Variants in RORA observed in about 807,000 individuals in gnomAD.
The protein encoded by RORA is nuclear receptor ROR-alpha.
In RORA, 7 loss-of-function variants were observed where a neutral mutation model predicts 69.5. That is an observed-to-expected ratio of 0.10 (90% CI 0.06 to 0.19). RORA has a LOEUF of 0.19. RORA is among the 10% of genes least tolerant of loss of function. The pLI, the probability that RORA is intolerant of heterozygous loss-of-function variation, is 1.00. For missense variants in RORA, 457 were observed against 663.0 expected (o/e 0.69, Z 3.41); for synonymous variants, 261 against 240.8 (o/e 1.08, Z -0.78).
rs71122864 is a variant in RORA, at chr15:60,612,661, G to GT, written c.196+65995dup. Among the ~76,000 whole-genome samples, 536 of 106,988 alleles carry GT rather than the reference G, an allele frequency of 5.0e-3. 4 individuals are homozygous for GT. Among genetic ancestry groups the GT allele is most frequent in the South Asian group, 0.015 (47 of 3,098 alleles). 70.2% of individuals were successfully genotyped at this position (106,988 alleles called of 152,430 possible). ...GAAGAATCTCTCTCTCTCTCTCTCT[G>GT]TTTTTTTTTTTTTTTTTTTTTTTTC... On this transcript the variant is annotated intron_variant, in intron 2 of 10. Coordinates refer to ENST00000335670, the MANE Select transcript of RORA (RefSeq NM_134261.3).
chr15:60,761,756 G>A (rs1595693717), intron 1 of RORA, among the ~76,000 whole-genome samples: 2 of 152,244 alleles, frequency 1.3e-5, no homozygotes, highest in Non-Finnish European at 2.9e-5. Flanking sequence ...AACACTATAT[G>A]AGAATTTTGG....
intron 1 of RORA, among the ~76,000 whole-genome samples, chr15:60,984,164 C>T (rs558238417): frequency 2.0e-5 from 3 of 152,102 alleles, no homozygotes; most frequent in Non-Finnish European, 4.4e-5. Context: ...TTCTGATTCA[C>T]TTTATAAGAA....
chr15:61,115,499 A>G (rs2079042596), intron 1 of RORA, among the ~76,000 whole-genome samples: 1 of 152,234 alleles, frequency 6.6e-6, no homozygotes, highest in South Asian at 2.1e-4. Context: ...AGGAAAGCCA[A>G]GAGCACATTT....
intron 1 of RORA, among the ~76,000 whole-genome samples, chr15:60,831,376 C>G (rs1477323539): frequency 6.6e-6 from 1 of 152,096 alleles, no homozygotes; most frequent in Non-Finnish European, 1.5e-5. Context: ...CTGGCTCATT[C>G]TCTCCTGACA....
chr15:60,895,896 TC>T (rs1253245592), intron 1 of RORA, among the ~76,000 whole-genome samples: 1 of 152,230 alleles, frequency 6.6e-6, no homozygotes, highest in Non-Finnish European at 1.5e-5. Context: ...TTAAAGTTCA[TC>T]CTTAAAAATG....
At chr15:61,214,804 T>C (rs2080023576) in intron 1 of RORA, among the ~76,000 whole-genome samples, 1 of 151,658 alleles carries the variant, frequency 6.6e-6, no homozygotes, top group East Asian at 1.9e-4. Flanking sequence ...AAGCCAGTCC[T>C]CTTGTGGGCG....
At chr15:61,143,127 G>A (rs534218732) in intron 1 of RORA, among the ~76,000 whole-genome samples, 2 of 152,074 alleles carry the variant, frequency 1.3e-5, no homozygotes, top group Non-Finnish European at 2.9e-5. Flanking sequence ...GGATACATTA[G>A]GAGAGAAGGC....
chr15:60,645,420 ATTT>A (rs11382212), intron 2 of RORA, among the ~76,000 whole-genome samples: 10 of 135,420 alleles, frequency 7.4e-5, no homozygotes, highest in Non-Finnish European at 6.4e-5. Context: ...TGACAGATAA[ATTT>A]TTTTTTTTTT....
At chr15:61,040,505 C>T (rs1161869133) in intron 1 of RORA, among the ~76,000 whole-genome samples, 1 of 151,894 alleles carries the variant, frequency 6.6e-6, no homozygotes, top group Non-Finnish European at 1.5e-5. Context: ...CCTCCATTTC[C>T]TTCCGGGCTT....
chr15:60,616,045 T>C (rs1596062391), intron 2 of RORA, among the ~76,000 whole-genome samples: 1 of 152,218 alleles, frequency 6.6e-6, no homozygotes, highest in South Asian at 2.1e-4. Flanking sequence ...TGGACTCTTA[T>C]AAAACTCAAT....
chr15:60,700,840 A>G (rs2070971661), intron 1 of RORA, among the ~76,000 whole-genome samples: 1 of 152,074 alleles, frequency 6.6e-6, no homozygotes, highest in African/African-American at 2.4e-5. Context: ...CTTTGCCATC[A>G]CACCCAGAGT....
intron 3 of RORA, among the ~76,000 whole-genome samples, chr15:60,524,078 G>A (rs1288710404): frequency 1.3e-5 from 2 of 152,146 alleles, no homozygotes; most frequent in Non-Finnish European, 2.9e-5. Context: ...GCAGAAAGAT[G>A]GGCTTCACTT....
chr15:60,571,149 A>ATT (rs144800691), intron 2 of RORA, among the ~76,000 whole-genome samples: 8 of 147,500 alleles, frequency 5.4e-5, no homozygotes, highest in African/African-American at 2.0e-4. Context: ...TGTTCTTGCT[A>ATT]TTTTTTTTTT....
At chr15:60,791,640 T>C (rs1371121724) in intron 1 of RORA, among the ~76,000 whole-genome samples, 1 of 152,192 alleles carries the variant, frequency 6.6e-6, no homozygotes, top group African/African-American at 2.4e-5. Flanking sequence ...AAAATCTATG[T>C]ACAAAATCTG....
intron 1 of RORA, among the ~76,000 whole-genome samples, chr15:61,125,398 C>A (rs1339109716): frequency 1.3e-5 from 2 of 152,104 alleles, no homozygotes; most frequent in African/African-American, 4.8e-5. Context: ...TTTATTGATA[C>A]TATTAGATTA....
In RORA at chr15:60,635,957, C is replaced by T. The variant is rs1780272294; in HGVS notation, c.196+42700G>A. Among the ~76,000 whole-genome samples the T allele has an allele frequency of 2.6e-5, 4 of 152,274 alleles. No individual in the cohort carries two copies. The South Asian group carries it at 8.3e-4, about 32-fold the overall frequency. The stretch of plus-strand genomic sequence containing the variant: ...CAGATCAGTTCCTGTATTTTCAGAT[C>T]TGGCTCTCTCTGTGGTTGTGGTGGT... On this transcript the variant is annotated intron_variant, in intron 2 of 10. Coordinates refer to ENST00000335670, the MANE Select transcript of RORA (RefSeq NM_134261.3).
At chr15:60,508,556 T>TA (rs1283722986) in intron 5 of RORA, among the ~76,000 whole-genome samples, 2 of 152,240 alleles carry the variant, frequency 1.3e-5, no homozygotes, top group Non-Finnish European at 2.9e-5. Flanking sequence ...AGAAAGGTAC[T>TA]AGTATTATCT....
intron 1 of RORA, among the ~76,000 whole-genome samples, chr15:60,772,680 A>G (rs1686123775): frequency 1.3e-5 from 2 of 152,172 alleles, no homozygotes. Context: ...GTTGCTCTAC[A>G]GAAAAGATGG....
chr15:61,074,982 G>A (rs2078427124), intron 1 of RORA, among the ~76,000 whole-genome samples: 1 of 151,876 alleles, frequency 6.6e-6, no homozygotes, highest in African/African-American at 2.4e-5. Context: ...AGCTACTCGG[G>A]AGGCTGAGGC....
Sources: gnomAD v4.1 joint callset for allele counts (sites outside exome capture counted in the v4.1 genomes callset) on GRCh38, gnomAD v4.1.1 for gene constraint, MANE v1.5 for transcripts, NCBI Gene and HGNC (gene_info 2026-07-23, HGNC 2026-07-21) for gene names.